Variants in PTPN13 observed in about 807,000 individuals in gnomAD.
PTPN13 encodes the protein protein tyrosine phosphatase non-receptor type 13, also known as tyrosine-protein phosphatase non-receptor type 13.
PTPN13 carries 191 observed loss-of-function variants against 284.0 expected under a neutral mutation model. The observed-to-expected ratio is 0.67, with a 90% confidence interval of 0.60 to 0.76. The LOEUF (loss-of-function observed/expected upper bound fraction) is 0.76. PTPN13 is among the 30% of genes least tolerant of loss of function. The pLI is 0.00. For synonymous variants in PTPN13, 986 were observed against 1,022.3 expected, an observed-to-expected ratio of 0.96 and a Z score of 0.68; for missense variants, 2,797 against 2,939.9, an observed-to-expected ratio of 0.95 and a Z score of 1.12.
At chr4:86,774,128 T>C (rs1395491593) in intron 32 of PTPN13, among the ~76,000 whole-genome samples, 1 of 152,190 alleles carries the variant, frequency 6.6e-6, no homozygotes, top group Non-Finnish European at 1.5e-5. Context: ...CTGTCTCTGC[T>C]GTCTCTAGAC....
intron 15 of PTPN13, among the ~76,000 whole-genome samples, chr4:86,736,649 A>G (rs1468963025): frequency 6.6e-6 from 1 of 152,236 alleles, no homozygotes; most frequent in East Asian, 1.9e-4. Context: ...ACTTGTAGAA[A>G]GTAAGATGTT....
intron 35 of PTPN13, among the ~76,000 whole-genome samples, chr4:86,776,206 A>C (rs976189142): frequency 2.0e-5 from 3 of 152,202 alleles, no homozygotes; most frequent in Non-Finnish European, 4.4e-5. Flanking sequence ...TTGGCCTCCC[A>C]AAGTGCTGGG....
chr4:86,810,063 C>A, intron 46 of PTPN13, 79 bp downstream of exon 46: 1 of 1,153,104 alleles, frequency 8.7e-7, no homozygotes, highest in Non-Finnish European at 1.2e-6. Flanking sequence ...GTGTTGTGAT[C>A]TTGGGATATT....
At position 86,809,771 on chromosome 4, in the gene PTPN13, C is replaced by G; in HGVS notation, c.7086C>G (p.Thr2362=). ...VRAMTLEDIQ[T]REVRHISHLN... is the part of the protein sequence containing the mutation. The stretch of plus-strand genomic sequence containing the variant: ...CTTATTCTGTTATACAATTTCAGAC[C>G]AGAGAGGTGCGCCATATTTCTCATC... Residue 2362 remains threonine, a splice_region_variant and synonymous_variant, in exon 46 of 48, where the codon ACC becomes ACG. Transcript: ENST00000411767. The G allele has an allele frequency of 1.2e-6, 2 of 1,613,240 alleles. No homozygotes were observed. Among genetic ancestry groups the G allele is most frequent in the Non-Finnish European group, 1.7e-6 (2 of 1,179,204 alleles).
Position 86,763,130 on chromosome 4 carries a change from A to C in PTPN13, c.3957A>C (p.Gly1319=). ...ATGTAACTGATTACTCAGACCGTGGAGATTCAGACATGGATGAAGCCACTT... is the reference window on the plus strand; with the variant it reads ...ATGTAACTGATTACTCAGACCGTGGCGATTCAGACATGGATGAAGCCACTT... ...ISDVTDYSDR[G]DSDMDEATYS... Residue 1319 remains glycine, a synonymous_variant, in exon 24 of 48, where the codon GGA becomes GGC. Transcript: ENST00000411767. 6.2e-7 allele frequency: 1 copy of C among 1,613,962 alleles called. No individual in the cohort carries two copies. Among genetic ancestry groups the C allele is most frequent in the Non-Finnish European group, 8.5e-7 (1 of 1,179,870 alleles).
chr4:86,598,712 G>A (rs1479139106), intron 1 of PTPN13, among the ~76,000 whole-genome samples: 1 of 151,776 alleles, frequency 6.6e-6, no homozygotes, highest in East Asian at 1.9e-4. Context: ...TCCTAGTTTA[G>A]TAGTATTCAA....
intron 35 of PTPN13, among the ~76,000 whole-genome samples, chr4:86,778,686 G>A (rs1211087619): frequency 6.6e-6 from 1 of 152,092 alleles, no homozygotes; most frequent in Non-Finnish European, 1.5e-5. Context: ...GCATTTTGGT[G>A]TATAAGCCAT....
chr4:86,672,011 T>C (rs1727765552), intron 2 of PTPN13, among the ~76,000 whole-genome samples: 1 of 152,192 alleles, frequency 6.6e-6, no homozygotes, highest in Non-Finnish European at 1.5e-5. Context: ...TCAAAAAACA[T>C]TAAAGAGCTA....
intron 20 of PTPN13, 31 bp downstream of exon 20, chr4:86,753,096 T>C (rs1737575076): frequency 6.5e-7 from 1 of 1,532,754 alleles, no homozygotes; most frequent in African/African-American, 1.4e-5. Flanking sequence ...TCCCCTCATT[T>C]CCATCATTTC....
chr4:86,690,603 A>G (rs1304060864), intron 5 of PTPN13, among the ~76,000 whole-genome samples: 1 of 152,054 alleles, frequency 6.6e-6, no homozygotes, highest in Non-Finnish European at 1.5e-5. Flanking sequence ...CCAAACAACT[A>G]TGGGATTTGA....
intron 47 of PTPN13, among the ~76,000 whole-genome samples, chr4:86,811,752 G>A (rs1246667584): frequency 6.6e-6 from 1 of 152,210 alleles, no homozygotes; most frequent in Non-Finnish European, 1.5e-5. Context: ...GGATGTAGAA[G>A]CCGTTTTCAA....
chr4:86,788,589 A>G (rs1664770810), intron 40 of PTPN13, among the ~76,000 whole-genome samples: 1 of 152,062 alleles, frequency 6.6e-6, no homozygotes, highest in African/African-American at 2.4e-5. Context: ...TTGTAATTGT[A>G]CTCTTTGGTA....
chr4:86,653,882 A>G (rs566498038), intron 2 of PTPN13, among the ~76,000 whole-genome samples: 1 of 152,346 alleles, frequency 6.6e-6, no homozygotes, highest in African/African-American at 2.4e-5. Flanking sequence ...TGTGGTGCAG[A>G]TACGAATATT....
intron 23 of PTPN13, among the ~76,000 whole-genome samples, chr4:86,762,032 G>A (rs1421316073): frequency 6.6e-6 from 1 of 152,214 alleles, no homozygotes; most frequent in Non-Finnish European, 1.5e-5. Flanking sequence ...AAGTGCAGTA[G>A]CACAATCACT....
chr4:86,608,148 T>C lies in PTPN13; in HGVS notation c.-6+13359T>C, dbSNP rs1354857090. 2.0e-5 allele frequency among the ~76,000 whole-genome samples: 3 copies of C among 152,202 alleles called. No individual in the cohort carries two copies. In the East Asian group the frequency reaches 5.8e-4, roughly 29 times the overall value. Reference sequence around the variant, plus strand: ...CATAACTATTGTTTTTGTGTTGCCTTATTTTTTAATAAAAACTTTCATTTA... The same window carrying C: ...CATAACTATTGTTTTTGTGTTGCCTCATTTTTTAATAAAAACTTTCATTTA... On this transcript the variant is annotated intron_variant, in intron 1 of 47. Transcript: ENST00000411767.
At chr4:86,792,671 G>C (rs1742825584) in intron 40 of PTPN13, among the ~76,000 whole-genome samples, 1 of 152,176 alleles carries the variant, frequency 6.6e-6, no homozygotes, top group Non-Finnish European at 1.5e-5. Context: ...TCAGCAGAAA[G>C]CCTACAAGCC....
chr4:86,744,712 G>A (rs893836310), intron 16 of PTPN13, among the ~76,000 whole-genome samples: 1 of 152,140 alleles, frequency 6.6e-6, no homozygotes, highest in Admixed American at 6.5e-5. Context: ...GGAGCAATAG[G>A]CTACATCATA....
rs1161085025 is a variant in PTPN13, at chr4:86,686,752, G to C, written c.337G>C (p.Asp113His). Residue 113 changes from aspartate (D) to histidine (H), a missense_variant, in exon 4 of 48, where the codon GAT becomes CAT. Transcript: ENST00000411767. ...SLGMTLYWGA[D>H]YEVPQSQPIK... ...TGGAATGACACTGTATTGGGGGGCTGATTATGAAGTGCCTCAGAGCCAAGT... is the reference window on the plus strand; with the variant it reads ...TGGAATGACACTGTATTGGGGGGCTCATTATGAAGTGCCTCAGAGCCAAGT... The C allele has an allele frequency of 6.3e-7, 1 of 1,581,414 alleles. No individual in the cohort carries two copies.
At position 86,758,275 on chromosome 4, in the gene PTPN13, G is replaced by C. The variant is rs769523458; in HGVS notation, c.3239G>C (p.Arg1080Thr). The C allele has an allele frequency of 1.2e-5, 20 of 1,608,088 alleles. No homozygotes were observed. The highest frequency in any genetic ancestry group is 1.7e-5 in the Non-Finnish European group (20 of 1,175,952). Residue 1080 changes from arginine to threonine, a missense_variant, in exon 21 of 48, where the codon AGA becomes ACA. Arg to Thr is a moderately conservative substitution (Grantham distance 71). Transcript: ENST00000411767. ...TTCCCAATAGATGTGCTACACAAAA[G>C]ATGGAGCATAGTATCTTCACCAGAA... is the stretch of plus-strand genomic sequence containing the variant. ...PLKENDVLHKRWSIVSSPERE... is the reference protein window; with the variant it reads ...PLKENDVLHKTWSIVSSPERE...
Sources: gnomAD v4.1 joint callset for allele counts (sites outside exome capture counted in the v4.1 genomes callset) on GRCh38, gnomAD v4.1.1 for gene constraint, MANE v1.5 for transcripts, NCBI Gene and HGNC (gene_info 2026-07-23, HGNC 2026-07-21) for gene names.